The following EGFR variants were observed in gnomAD, a reference collection of about 807,000 sequenced individuals.
EGFR encodes avian erythroblastic leukemia viral (v-erb-b) oncogene homolog.
A neutral mutation model predicts 143.0 loss-of-function variants in EGFR; 58 were observed. That is an observed-to-expected ratio of 0.41 (90% CI 0.33 to 0.50). The LOEUF is 0.50. Ranked by LOEUF, EGFR falls within the 20% of genes least tolerant of loss-of-function variation. EGFR has a pLI of 0.39. For missense variants in EGFR, 1,307 were observed against 1,579.0 expected (o/e 0.83, Z 2.92); for synonymous variants, 613 against 594.4 (o/e 1.03, Z -0.45).
At chr7:55,157,442 G>C (rs1487840371) in intron 10 of EGFR, among the ~76,000 whole-genome samples, 5 of 152,238 alleles carry the variant, frequency 3.3e-5, no homozygotes, top group Non-Finnish European at 5.9e-5. Context: ...GAGACATGCG[G>C]AATCGCAGCG....
intron 20 of EGFR, 178 bp downstream of exon 20, chr7:55,181,656 G>C: frequency 1.3e-6 from 1 of 744,488 alleles, no homozygotes; most frequent in Non-Finnish European, 2.2e-6. Context: ...ACAAATCAGT[G>C]CCTGTCCCAT....
At chr7:55,066,719 T>C (rs1214598829) in intron 1 of EGFR, among the ~76,000 whole-genome samples, 1 of 152,164 alleles carries the variant, frequency 6.6e-6, no homozygotes, top group African/African-American at 2.4e-5. Flanking sequence ...AGGGGTGCTG[T>C]GGATTCACAA....
chr7:55,130,521 G>GGGAC (rs1340604339), intron 1 of EGFR, among the ~76,000 whole-genome samples: 1 of 152,076 alleles, frequency 6.6e-6, no homozygotes, highest in African/African-American at 2.4e-5. Context: ...GCCCGCCCCC[G>GGGAC]GGACAAGGTC....
intron 11 of EGFR, among the ~76,000 whole-genome samples, chr7:55,158,448 C>T (rs1346385895): frequency 3.3e-5 from 5 of 152,100 alleles, no homozygotes; most frequent in African/African-American, 1.2e-4. Context: ...AATAAGAGTG[C>T]GTGAAATATG....
intron 1 of EGFR, among the ~76,000 whole-genome samples, chr7:55,025,596 G>A (rs537608566): frequency 5.6e-4 from 86 of 152,304 alleles, no homozygotes; most frequent in African/African-American, 2.0e-3. Flanking sequence ...AGAATACGGT[G>A]GTCCAGAGCA....
intron 22 of EGFR, among the ~76,000 whole-genome samples, chr7:55,196,946 G>A (rs1787645797): frequency 6.6e-6 from 1 of 152,104 alleles, no homozygotes; most frequent in Non-Finnish European, 1.5e-5. Context: ...GTAGCATCAT[G>A]CTTCCAGCTT....
intron 1 of EGFR, among the ~76,000 whole-genome samples, chr7:55,029,608 A>G (rs1201177481): frequency 6.6e-6 from 1 of 152,260 alleles, no homozygotes; most frequent in Non-Finnish European, 1.5e-5. Context: ...GTTAGAAAGT[A>G]CCAAACACAC....
At chr7:55,076,616 G>A (rs1490758609) in intron 1 of EGFR, among the ~76,000 whole-genome samples, 6 of 151,914 alleles carry the variant, frequency 3.9e-5, no homozygotes, top group Admixed American at 3.3e-4. Context: ...ACACCCCTTC[G>A]CCTATTATCA....
intron 27 of EGFR, among the ~76,000 whole-genome samples, chr7:55,204,502 CA>C (rs199931504): frequency 0.029 from 2,933 of 102,548 alleles, 52 homozygotes; most frequent in Non-Finnish European, 0.037. Context: ...AAAAACCCCA[CA>C]CACACACAAA....
At chr7:55,031,014 GT>G (rs1787213447) in intron 1 of EGFR, among the ~76,000 whole-genome samples, 1 of 152,214 alleles carries the variant, frequency 6.6e-6, no homozygotes, top group South Asian at 2.1e-4. Flanking sequence ...GGAAGAAACT[GT>G]TTTGTTATTG....
At position 55,161,472 on chromosome 7, in the gene EGFR, C is replaced by T. The variant is rs572571511; in HGVS notation, c.1499-27C>T. On this transcript the variant is annotated intron_variant, in intron 12 of 27. Transcript: ENST00000275493. ...CCTCGGGTCCCTGCTCTGTCACTGA[C>T]TGCTGTGACCCACTCTGTCTCCGCA... is the stretch of plus-strand genomic sequence containing the variant. The T allele has an allele frequency of 4.8e-5, 77 of 1,609,486 alleles. No homozygotes were observed. In the East Asian group the frequency reaches 1.2e-3, roughly 26 times the overall value.
At chr7:55,155,278 C>G (rs1270758890) in intron 7 of EGFR, among the ~76,000 whole-genome samples, 1 of 152,176 alleles carries the variant, frequency 6.6e-6, no homozygotes, top group Non-Finnish European at 1.5e-5. Context: ...CTCGTCTCTA[C>G]TAAAAATACA....
chr7:55,189,850 G>T (rs1177924457), intron 20 of EGFR, among the ~76,000 whole-genome samples: 1 of 152,224 alleles, frequency 6.6e-6, no homozygotes, highest in East Asian at 1.9e-4. Context: ...GATAGCCTGG[G>T]AGTTCACACA....
intron 1 of EGFR, among the ~76,000 whole-genome samples, chr7:55,105,077 TGC>T (rs1562717864): frequency 1.3e-5 from 2 of 152,208 alleles, no homozygotes; most frequent in Non-Finnish European, 1.5e-5. Flanking sequence ...AATGGATGTT[TGC>T]TTTTGATTTT....
intron 1 of EGFR, among the ~76,000 whole-genome samples, chr7:55,027,991 AATATATATAT>A (rs374300539): frequency 6.7e-4 from 37 of 54,994 alleles, no homozygotes; most frequent in South Asian, 3.4e-3. Context: ...AAAAAAAAAA[AATATATATAT>A]ATATATATAT....
intron 1 of EGFR, among the ~76,000 whole-genome samples, chr7:55,092,352 T>C (rs1194200049): frequency 6.6e-6 from 1 of 152,220 alleles, no homozygotes; most frequent in Non-Finnish European, 1.5e-5. Flanking sequence ...ACATTTGCCT[T>C]AATTACTTTG....
chr7:55,134,160 C>A (rs1195867338), intron 1 of EGFR, among the ~76,000 whole-genome samples: 1 of 152,178 alleles, frequency 6.6e-6, no homozygotes, highest in African/African-American at 2.4e-5. Flanking sequence ...CAGCCACACA[C>A]AGATACAGTT....
At chr7:55,134,702 A>ATTT (rs1455879584) in intron 1 of EGFR, among the ~76,000 whole-genome samples, 54 of 152,358 alleles carry the variant, frequency 3.5e-4, no homozygotes, top group African/African-American at 1.3e-3. Context: ...TAAAAAATGG[A>ATTT]AAGTGATTTA....
chr7:55,168,583 C>T (rs1490660446), intron 15 of EGFR: 7 of 1,611,130 alleles, frequency 4.3e-6, no homozygotes, highest in South Asian at 1.1e-5. Flanking sequence ...TTCCTTTCTA[C>T]AATTTCAATT....
Sources: gnomAD v4.1 joint callset for allele counts (sites outside exome capture counted in the v4.1 genomes callset) on GRCh38, gnomAD v4.1.1 for gene constraint, MANE v1.5 for transcripts, NCBI Gene and HGNC (gene_info 2026-07-23, HGNC 2026-07-21) for gene names.